Variants in DNAJB13 observed in about 807,000 individuals in gnomAD.
DNAJB13 encodes dnaJ homolog subfamily B member 13.
A neutral mutation model predicts 35.6 loss-of-function variants in DNAJB13; 22 were observed. The observed-to-expected ratio is 0.62, with a 90% CI of 0.44 to 0.88. The LOEUF is 0.88. Among genes scored for constraint, DNAJB13 ranks in the 40% least tolerant of loss-of-function variants. DNAJB13 has a pLI of 0.00. For synonymous variants in DNAJB13, 136 were observed against 144.2 expected (o/e 0.94, Z 0.41); for missense variants, 370 against 384.3 (o/e 0.96, Z 0.31).
intron 5 of DNAJB13, among the ~76,000 whole-genome samples, chr11:73,967,700 A>G (rs1951158908): frequency 6.6e-6 from 1 of 152,194 alleles, no homozygotes; most frequent in Non-Finnish European, 1.5e-5. Flanking sequence ...AAGTATGATC[A>G]TGCCACTGCA....
In DNAJB13 at chr11:73,970,178, A is replaced by G; in HGVS notation, c.*64A>G. 3.9e-6 allele frequency: 6 copies of G among 1,539,712 alleles called. No individual in the cohort carries two copies. Among genetic ancestry groups the G allele is most frequent in the Non-Finnish European group, 5.3e-6 (6 of 1,141,628 alleles). On this transcript the variant is annotated 3_prime_UTR_variant, in exon 8 of 8. Coordinates refer to ENST00000339764, the MANE Select transcript of DNAJB13 (RefSeq NM_153614.4). The stretch of plus-strand genomic sequence containing the variant: ...GGGCCTCACCCCACCCCTACCCGCC[A>G]CAGCCTCAGGGTGTGCAGGGGAGCC...
At chr11:73,962,028 G>T (rs529074960) in intron 3 of DNAJB13, among the ~76,000 whole-genome samples, 46 of 152,098 alleles carry the variant, frequency 3.0e-4, no homozygotes, top group Non-Finnish European at 5.1e-4. Flanking sequence ...CCTGACCTCA[G>T]GTGATCCGCC....
chr11:73,966,203 C>T lies in DNAJB13; in HGVS notation c.558C>T (p.Pro186=), dbSNP rs556480656. 23 of 1,613,608 alleles carry T rather than the reference C, an allele frequency of 1.4e-5. No homozygotes were observed. The highest frequency in any genetic ancestry group is 5.0e-5 in the Admixed American group (3 of 59,932). ...KDKILTIDVK[P]GWRQGTRITF... is the part of the protein sequence containing the mutation. ...AGATCCTGACCATTGATGTGAAGCC[C>T]GGTTGGAGGCAGGGCACACGCATCA... The change falls in exon 5 of 8, where the codon CCC becomes CCT. Residue 186 remains proline, a synonymous_variant. Coordinates refer to ENST00000339764, the MANE Select transcript of DNAJB13 (RefSeq NM_153614.4).
intron 1 of DNAJB13, among the ~76,000 whole-genome samples, chr11:73,953,321 CGA>C (rs1289492926): frequency 6.6e-6 from 1 of 152,062 alleles, no homozygotes; most frequent in Admixed American, 6.6e-5. Context: ...GTCAGGAGAT[CGA>C]GACTGTAGCA....
chr11:73,954,713 T>C (rs1950692786), intron 1 of DNAJB13, among the ~76,000 whole-genome samples: 2 of 151,882 alleles, frequency 1.3e-5, no homozygotes, highest in African/African-American at 4.8e-5. Context: ...CCCAGCACTT[T>C]GGGAGGACGA....
Position 73,969,962 on chromosome 11 carries a change from C to A in DNAJB13, c.799C>A (p.Pro267Thr). 1 of 1,607,716 alleles carries A rather than the reference C, an allele frequency of 6.2e-7. No homozygotes were observed. Among genetic ancestry groups the A allele is most frequent in the Non-Finnish European group, 8.5e-7 (1 of 1,176,698 alleles). ...LNIPINDIIH[P>T]KYFKKVPGEG... ...CTCCTTTCTTTCATCCTATTTCAGCCCCAAATACTTCAAGAAGGTGCCAGG... is the reference window on the plus strand; with the variant it reads ...CTCCTTTCTTTCATCCTATTTCAGCACCAAATACTTCAAGAAGGTGCCAGG... Residue 267 changes from proline (P) to threonine (T), a missense_variant and splice_region_variant, in exon 8 of 8, where the codon CCC becomes ACC. Pro to Thr is a conservative substitution (Grantham distance 38). Transcript: ENST00000339764.
intron 3 of DNAJB13, 61 bp from the exon 4 acceptor site, chr11:73,964,817 G>GCCCT: frequency 6.6e-7 from 1 of 1,513,094 alleles, no homozygotes; most frequent in East Asian, 2.3e-5. Context: ...GTGTGTGCGC[G>GCCCT]CGCGCGCATG....
At chr11:73,966,300 G>A (rs775645493) in intron 5 of DNAJB13, 49 bp downstream of exon 5, 15 of 1,544,758 alleles carry the variant, frequency 9.7e-6, no homozygotes, top group African/African-American at 8.2e-5. Flanking sequence ...CTCAGGCGGT[G>A]GGAAGACTGA....
Position 73,969,238 on chromosome 11 carries a change from C to G in DNAJB13, c.721-8C>G. 1 of 858,420 alleles carries G rather than the reference C, an allele frequency of 1.2e-6. No individual in the cohort carries two copies. The highest frequency in any genetic ancestry group is 2.0e-6 in the Non-Finnish European group (1 of 496,064). 53.2% of individuals were successfully genotyped at this position (858,420 alleles called of 1,614,324 possible). ...CTCAGCCCCACCTTTGGCCCTGACC[C>G]TCCCTAGGCTCTCACCTGCTGCACT... is the stretch of plus-strand genomic sequence containing the variant. On this transcript the variant is annotated splice_region_variant and splice_polypyrimidine_tract_variant and intron_variant, in intron 6 of 7. Coordinates refer to ENST00000339764, the MANE Select transcript of DNAJB13 (RefSeq NM_153614.4).
chr11:73,969,244 A>G lies in DNAJB13; in HGVS notation c.721-2A>G. The G allele has an allele frequency of 2.3e-6, 2 of 865,294 alleles. No homozygotes were observed. The highest frequency in any genetic ancestry group is 1.3e-5 in the South Asian group (1 of 75,448). 53.6% of individuals were successfully genotyped at this position (865,294 alleles called of 1,614,324 possible). A position where few individuals can be genotyped will look rare whatever the true frequency, so the allele number is the denominator to read the frequency against. On this transcript the variant is annotated splice_acceptor_variant, in intron 6 of 7. Transcript: ENST00000339764. LOFTEE classifies it high-confidence loss of function. ...CCCACCTTTGGCCCTGACCCTCCCT[A>G]GGCTCTCACCTGCTGCACTGTGGAG...
intron 3 of DNAJB13, among the ~76,000 whole-genome samples, chr11:73,961,489 C>T (rs1950930305): frequency 6.6e-6 from 1 of 152,156 alleles, no homozygotes; most frequent in African/African-American, 2.4e-5. Flanking sequence ...GCAACTGCTG[C>T]CTCACTTGCC....
intron 3 of DNAJB13, among the ~76,000 whole-genome samples, chr11:73,962,627 C>A (rs1419797799): frequency 6.6e-6 from 1 of 152,144 alleles, no homozygotes; most frequent in African/African-American, 2.4e-5. Context: ...TCCAGTTATA[C>A]CCACATAAGG....
At chr11:73,964,806 T>TGCGCGCGCGCGC (rs778523226) in intron 3 of DNAJB13, 72 bp from the exon 4 acceptor site, 1 of 721,566 alleles carries the variant, frequency 1.4e-6, no homozygotes, top group African/African-American at 2.5e-5. Context: ...TGTGTGTGTG[T>TGCGCGCGCGCGC]GTGTGTGCGC....
intron 1 of DNAJB13, among the ~76,000 whole-genome samples, chr11:73,954,039 T>TAATAATATTATTATTAATAAA (rs1565166862): frequency 4.8e-5 from 7 of 145,280 alleles, no homozygotes; most frequent in African/African-American, 1.8e-4. Context: ...ATAATAATAA[T>TAATAATATTATTATTAATAAA]AATGGCTGGA....
chr11:73,966,215 G>C lies in DNAJB13; in HGVS notation c.570G>C (p.Gln190His). 1 of 1,613,724 alleles carries C rather than the reference G, an allele frequency of 6.2e-7. No individual in the cohort carries two copies. Among genetic ancestry groups the C allele is most frequent in the Non-Finnish European group, 8.5e-7 (1 of 1,179,936 alleles). The change falls in exon 5 of 8, where the codon CAG becomes CAC. Residue 190 changes from glutamine to histidine, a missense_variant. Transcript: ENST00000339764. ...LTIDVKPGWR[Q>H]GTRITFEKEG... ...TTGATGTGAAGCCCGGTTGGAGGCA[G>C]GGCACACGCATCACCTTTGAGAAGG...
chr11:73,958,375 G>T lies in DNAJB13; in HGVS notation c.127G>T (p.Glu43Ter). ...GAAGTCAAATGAGCCGTCTTCAGCA[G>T]AGATTTTCAGGCAAATAGCAGAGGC... Reference protein sequence around the residue: ...PLKSNEPSSAEIFRQIAEAYD... With the variant: ...PLKSNEPSSA The change falls in exon 2 of 8, where the codon GAG (glutamate) becomes TAG (stop). Residue 43 changes from glutamate (E) to a stop codon, truncating the protein, a stop_gained. Coordinates refer to ENST00000339764, the MANE Select transcript of DNAJB13 (RefSeq NM_153614.4). LOFTEE classifies it high-confidence loss of function. 6.2e-7 allele frequency: 1 copy of T among 1,614,156 alleles called. No individual in the cohort carries two copies. The highest frequency in any genetic ancestry group is 8.5e-7 in the Non-Finnish European group (1 of 1,179,990).
intron 1 of DNAJB13, among the ~76,000 whole-genome samples, chr11:73,956,803 CA>C (rs1163341948): frequency 0.03 from 2,257 of 75,906 alleles, 13 homozygotes; most frequent in African/African-American, 0.042. Context: ...AACTCCATCT[CA>C]AAAAAAAAAA....
chr11:73,965,964 C>CCCCATTGCTGGAGGCTCTT, intron 4 of DNAJB13, 174 bp from the exon 5 acceptor site: 1 of 627,648 alleles, frequency 1.6e-6, no homozygotes, highest in East Asian at 2.8e-5. Flanking sequence ...GGCAGGCTCT[C>CCCCATTGCTGGAGGCTCTT]CCCATTGCTG....
At chr11:73,955,600 G>A (rs979438807) in intron 1 of DNAJB13, among the ~76,000 whole-genome samples, 17 of 151,946 alleles carry the variant, frequency 1.1e-4, no homozygotes, top group African/African-American at 4.1e-4. Flanking sequence ...ACTGAGATGG[G>A]CAGATCACTT....
Sources: allele counts gnomAD v4.1 joint callset (sites outside exome capture counted in the v4.1 genomes callset), GRCh38; gene constraint gnomAD v4.1.1; transcripts MANE v1.5; gene names NCBI Gene and HGNC (gene_info 2026-07-23, HGNC 2026-07-21).